LRP1B: variants seen among roughly 807,000 people sequenced by gnomAD.
LRP1B encodes the protein LDL receptor related protein 1B.
In LRP1B, 217 loss-of-function variants were observed where a neutral mutation model predicts 556.6. The observed-to-expected ratio is 0.39, with a 90% CI of 0.35 to 0.44. The LOEUF is 0.44. LRP1B is among the 20% of genes least tolerant of loss of function. The pLI is 1.00. For missense variants in LRP1B, 5,053 were observed against 5,620.8 expected, an observed-to-expected ratio of 0.90 and a Z score of 3.23; for synonymous variants, 2,047 against 1,865.8, an observed-to-expected ratio of 1.10 and a Z score of -2.50.
intron 7 of LRP1B, among the ~76,000 whole-genome samples, chr2:141,169,360 G>T (rs187265796): frequency 1.1e-3 from 170 of 151,262 alleles, no homozygotes; most frequent in African/African-American, 3.3e-3. Flanking sequence ...ACGTATGTAA[G>T]GAATAAGAAA....
intron 43 of LRP1B, among the ~76,000 whole-genome samples, chr2:140,587,115 T>C (rs1682016930): frequency 6.6e-6 from 1 of 152,100 alleles, no homozygotes; most frequent in Non-Finnish European, 1.5e-5. Flanking sequence ...AAATGGAAGA[T>C]GTGTCAGTAA....
intron 2 of LRP1B, among the ~76,000 whole-genome samples, chr2:141,574,056 A>G (rs1294044690): frequency 6.6e-6 from 1 of 152,184 alleles, no homozygotes; most frequent in African/African-American, 2.4e-5. Context: ...AACTATTCCA[A>G]ACAATTGAAA....
At chr2:140,348,183 G>A (rs1451702407) in intron 77 of LRP1B, among the ~76,000 whole-genome samples, 1 of 152,010 alleles carries the variant, frequency 6.6e-6, no homozygotes, top group East Asian at 1.9e-4. Context: ...ACCCAGAGAT[G>A]TGATATGCCT....
intron 68 of LRP1B, among the ~76,000 whole-genome samples, chr2:140,377,003 C>T (rs1683261876): frequency 6.6e-6 from 1 of 152,242 alleles, no homozygotes; most frequent in Middle Eastern, 3.4e-3. Context: ...AGTACATATG[C>T]TTCTCAACCA....
intron 72 of LRP1B, among the ~76,000 whole-genome samples, chr2:140,361,103 G>T (rs1682481428): frequency 6.7e-6 from 1 of 150,288 alleles, no homozygotes; most frequent in Non-Finnish European, 1.5e-5. Flanking sequence ...ATAATATGTT[G>T]GATACTGCTC....
At position 140,907,998 on chromosome 2, in the gene LRP1B, A is replaced by C. The variant is rs776865205; in HGVS notation, c.3399T>G (p.Ser1133Arg). ...GATGCTTGGGTGGTCCACACAAGAA[A>C]CTGTCACAGTCATCTTCATCTGACT... ...EDQSDEDDCD[S>R]FLCGPPKHPC... Residue 1133 changes from serine to arginine, a missense_variant, in exon 22 of 91, where the codon AGT becomes AGG. Around this residue, in one of 5 missense-constraint regions of LRP1B, gnomAD observed 3,619 missense variants for 3,931.9 expected, o/e 0.92. Transcript: ENST00000389484. 42 of 1,613,378 alleles carry C rather than the reference A, an allele frequency of 2.6e-5. No homozygotes were observed. Among genetic ancestry groups the C allele is most frequent in the Non-Finnish European group, 3.5e-5 (41 of 1,179,692 alleles).
intron 66 of LRP1B, among the ~76,000 whole-genome samples, chr2:140,437,755 G>A (rs770732452): frequency 4.6e-5 from 7 of 152,060 alleles, no homozygotes; most frequent in South Asian, 2.1e-4. Flanking sequence ...GTATAATTAC[G>A]TAGTACAAGT....
intron 68 of LRP1B, among the ~76,000 whole-genome samples, chr2:140,377,802 A>G (rs556626877): frequency 6.6e-6 from 1 of 152,308 alleles, no homozygotes; most frequent in Non-Finnish European, 1.5e-5. Flanking sequence ...GAAGAAAGAG[A>G]CTGGGGAGAA....
At chr2:140,480,214 A>G (rs1688175215) in intron 59 of LRP1B, among the ~76,000 whole-genome samples, 1 of 152,202 alleles carries the variant, frequency 6.6e-6, no homozygotes, top group Admixed American at 6.5e-5. Flanking sequence ...TTTACAGAGG[A>G]AGTAATATTT....
chr2:140,445,431 C>T (rs1314790476), intron 63 of LRP1B, among the ~76,000 whole-genome samples: 1 of 152,076 alleles, frequency 6.6e-6, no homozygotes, highest in Non-Finnish European at 1.5e-5. Context: ...ACATATTCTC[C>T]AGCACAACGT....
At chr2:140,507,955 A>G (rs551811536) in intron 52 of LRP1B, among the ~76,000 whole-genome samples, 120 of 152,262 alleles carry the variant, frequency 7.9e-4, no homozygotes, top group African/African-American at 2.4e-3. Flanking sequence ...AGGGCTAGAT[A>G]ATGTATGTGA....
At chr2:142,123,529 G>A (rs1243860931) in intron 1 of LRP1B, among the ~76,000 whole-genome samples, 1 of 151,962 alleles carries the variant, frequency 6.6e-6, no homozygotes, top group Non-Finnish European at 1.5e-5. Flanking sequence ...TGAAGGCTAA[G>A]CCAGTCAGGA....
chr2:141,722,205 C>T (rs187227469), intron 2 of LRP1B, among the ~76,000 whole-genome samples: 176 of 152,196 alleles, frequency 1.2e-3, no homozygotes, highest in Middle Eastern at 3.4e-3. Flanking sequence ...TGGTGAAACC[C>T]CATCTCTATT....
intron 35 of LRP1B, among the ~76,000 whole-genome samples, chr2:140,743,706 T>A (rs574550587): frequency 6.6e-5 from 10 of 152,166 alleles, no homozygotes; most frequent in African/African-American, 2.2e-4. Context: ...ATGCCTGTAA[T>A]CTCAGCACTT....
intron 14 of LRP1B, among the ~76,000 whole-genome samples, chr2:141,009,651 A>G (rs1697683439): frequency 6.6e-6 from 1 of 152,040 alleles, no homozygotes; most frequent in Non-Finnish European, 1.5e-5. Flanking sequence ...CATACATTAA[A>G]TAAAAACTGC....
intron 17 of LRP1B, among the ~76,000 whole-genome samples, chr2:140,982,614 A>G (rs1299666564): frequency 6.6e-6 from 1 of 150,670 alleles, no homozygotes; most frequent in Non-Finnish European, 1.5e-5. Flanking sequence ...GTTTCATCCA[A>G]CTCTTAATTA....
chr2:140,786,537 C>A (rs6757066), intron 32 of LRP1B, among the ~76,000 whole-genome samples: 64,630 of 151,914 alleles, frequency 0.43, 13,954 homozygotes, highest in African/African-American at 0.48. Flanking sequence ...TTGTCTGAAG[C>A]TCTCTGGAAA....
chr2:141,811,663 A>G (rs1233549956), intron 1 of LRP1B, among the ~76,000 whole-genome samples: 1 of 152,076 alleles, frequency 6.6e-6, no homozygotes, highest in Non-Finnish European at 1.5e-5. Flanking sequence ...AACTCATTTT[A>G]TTTTATCCTA....
At chr2:141,090,121 C>G (rs2104907936) in intron 7 of LRP1B, among the ~76,000 whole-genome samples, 1 of 152,196 alleles carries the variant, frequency 6.6e-6, no homozygotes, top group Admixed American at 6.5e-5. Context: ...GTAATGTTGG[C>G]CAAGAACCCA....
Sources: allele counts gnomAD v4.1 joint callset (sites outside exome capture counted in the v4.1 genomes callset), GRCh38; gene constraint gnomAD v4.1.1; regional missense constraint gnomAD v4.1.1; transcripts MANE v1.5; gene names NCBI Gene and HGNC (gene_info 2026-07-23, HGNC 2026-07-21).